TFDP2: variants seen among roughly 807,000 people sequenced by gnomAD.
TFDP2 encodes transcription factor Dp-2.
Under a neutral mutation model 59.3 loss-of-function variants are expected in TFDP2, and 17 were observed. The observed-to-expected ratio is 0.29, with a 90% CI of 0.20 to 0.43. The LOEUF (loss-of-function observed/expected upper bound fraction) is 0.43, where lower values mean the gene tolerates loss of function less well. TFDP2 is among the 20% of genes least tolerant of loss of function. TFDP2 has a pLI of 1.00. For synonymous variants in TFDP2, 180 were observed against 194.7 expected, an observed-to-expected ratio of 0.92 and a Z score of 0.63; for missense variants, 391 against 528.8, an observed-to-expected ratio of 0.74 and a Z score of 2.56.
chr3:142,147,335 T>C (rs2063215187), intron 1 of TFDP2, among the ~76,000 whole-genome samples: 1 of 152,230 alleles, frequency 6.6e-6, no homozygotes, highest in Non-Finnish European at 1.5e-5. Flanking sequence ...TCTCAATCTA[T>C]GCCTTCTAGT....
chr3:141,961,283 G>A (rs185667603), intron 10 of TFDP2, among the ~76,000 whole-genome samples: 59 of 123,768 alleles, frequency 4.8e-4, no homozygotes, highest in East Asian at 7.2e-4. Context: ...TTGCTCTGTC[G>A]CCCAGGCTGG....
At chr3:141,953,530 T>G (rs958737226) in intron 11 of TFDP2, among the ~76,000 whole-genome samples, 1 of 152,200 alleles carries the variant, frequency 6.6e-6, no homozygotes, top group Non-Finnish European at 1.5e-5. Context: ...TGCCTGCTGC[T>G]GGTGAACTCA....
intron 1 of TFDP2, among the ~76,000 whole-genome samples, chr3:142,113,061 A>C (rs995038840): frequency 6.6e-6 from 1 of 152,182 alleles, no homozygotes; most frequent in African/African-American, 2.4e-5. Flanking sequence ...ACATTCTTTT[A>C]TCAAGCAGTA....
chr3:141,973,093 G>GTATATATATATATATATATATATA (rs1553761666), intron 8 of TFDP2, among the ~76,000 whole-genome samples: 5 of 103,156 alleles, frequency 4.8e-5, no homozygotes, highest in African/African-American at 7.2e-5. Flanking sequence ...AAAGCTATGT[G>GTATATATATATATATATATATATA]TATATATATA....
intron 9 of TFDP2, 34 bp downstream of exon 9, chr3:141,970,039 A>C (rs553096639): frequency 1.3e-6 from 2 of 1,592,768 alleles, no homozygotes; most frequent in Non-Finnish European, 1.7e-6. Flanking sequence ...GTGGAGAAAC[A>C]GGGAAGGTAA....
rs974555255 is a variant in TFDP2 at position 141,951,580 on chromosome 3, C to T, written c.*933G>A. 2 of 152,646 alleles carry T rather than the reference C, an allele frequency of 1.3e-5. No individual in the cohort carries two copies. The highest frequency in any genetic ancestry group is 1.3e-4 in the Admixed American group (2 of 15,282). The allele number at this position is 152,646 out of a possible 1,614,324, so 9.5% of individuals were successfully genotyped here. On this transcript the variant is annotated 3_prime_UTR_variant, in exon 13 of 13. Coordinates refer to ENST00000489671, the MANE Select transcript of TFDP2 (RefSeq NM_001178139.2). Reference sequence around the variant, plus strand: ...ATTTGGTTCATTTTCACAAATTGCACACTGGGTGAGATCATACAATTACTG... The same window carrying T: ...ATTTGGTTCATTTTCACAAATTGCATACTGGGTGAGATCATACAATTACTG...
At chr3:142,037,462 T>C (rs1354761812) in intron 3 of TFDP2, among the ~76,000 whole-genome samples, 4 of 152,190 alleles carry the variant, frequency 2.6e-5, no homozygotes, top group Admixed American at 6.5e-5. Flanking sequence ...CTGAGTATTA[T>C]TTAAGCTGCA....
chr3:142,010,503 G>A (rs189906821), intron 3 of TFDP2, among the ~76,000 whole-genome samples: 1 of 151,840 alleles, frequency 6.6e-6, no homozygotes, highest in Non-Finnish European at 1.5e-5. Flanking sequence ...CAGCTACTTG[G>A]GGGGCTGAGG....
At chr3:142,106,014 T>C (rs2061459836) in intron 1 of TFDP2, among the ~76,000 whole-genome samples, 1 of 152,122 alleles carries the variant, frequency 6.6e-6, no homozygotes, top group Admixed American at 6.5e-5. Flanking sequence ...TAAGGCTTCC[T>C]TCTCTAAAAT....
intron 4 of TFDP2, among the ~76,000 whole-genome samples, chr3:142,003,167 A>T (rs1173249869): frequency 6.6e-6 from 1 of 151,884 alleles, no homozygotes; most frequent in East Asian, 1.9e-4. Flanking sequence ...TGCTTGGCTA[A>T]TTTTTTGTAT....
At chr3:142,041,689 C>T (rs1235643143) in intron 3 of TFDP2, among the ~76,000 whole-genome samples, 2 of 152,208 alleles carry the variant, frequency 1.3e-5, no homozygotes, top group Non-Finnish European at 2.9e-5. Context: ...CAAACACCAA[C>T]ATCAGTTTTC....
At chr3:142,043,729 G>C (rs932727259) in intron 3 of TFDP2, 4 of 1,325,394 alleles carry the variant, frequency 3.0e-6, no homozygotes, top group South Asian at 2.3e-5. Context: ...CTTAGACCTG[G>C]GGGCCTCAGC....
intron 10 of TFDP2, among the ~76,000 whole-genome samples, chr3:141,961,410 A>C (rs567735278): frequency 6.6e-6 from 1 of 151,390 alleles, no homozygotes; most frequent in African/African-American, 2.4e-5. Context: ...TGCCTGGCTA[A>C]TTTTTGTATT....
chr3:142,108,120 T>C lies in TFDP2; in HGVS notation c.-92-6279A>G, dbSNP rs556674136. ...CAATGAGCTTTCTTGAAGAGTGATA[T>C]GTAACATTTCTCCTTTTTATAAAAC... On this transcript the variant is annotated intron_variant, in intron 1 of 12. Transcript: ENST00000489671. Among the ~76,000 whole-genome samples, 20 of 152,132 alleles carry C rather than the reference T, an allele frequency of 1.3e-4. No homozygotes were observed. The South Asian group carries it at 1.5e-3, about 11-fold the overall frequency.
At chr3:142,115,088 C>T (rs958772369) in intron 1 of TFDP2, among the ~76,000 whole-genome samples, 3 of 152,064 alleles carry the variant, frequency 2.0e-5, no homozygotes, top group African/African-American at 7.2e-5. Context: ...ACAATTCTAA[C>T]TAGCAGATGA....
chr3:142,024,239 C>T (rs752596297), intron 3 of TFDP2, among the ~76,000 whole-genome samples: 21 of 152,150 alleles, frequency 1.4e-4, no homozygotes, highest in Non-Finnish European at 2.6e-4. Flanking sequence ...GAGCAAAGTG[C>T]CAAAACCAAA....
intron 9 of TFDP2, among the ~76,000 whole-genome samples, chr3:141,969,248 ACATATATATATCT>A (rs1939308390): frequency 9.0e-6 from 1 of 110,844 alleles, no homozygotes; most frequent in Non-Finnish European, 1.7e-5. Context: ...TATATATATA[ACATATATATATCT>A]CATATATATG....
chr3:141,972,219 C>G (rs1939873621), intron 8 of TFDP2, among the ~76,000 whole-genome samples: 1 of 152,088 alleles, frequency 6.6e-6, no homozygotes, highest in African/African-American at 2.4e-5. Context: ...ACAAGCCAGG[C>G]CCCTTACCTG....
chr3:141,964,033 A>G, intron 9 of TFDP2, 70 bp from the exon 10 acceptor site: 1 of 1,380,670 alleles, frequency 7.2e-7, no homozygotes, highest in South Asian at 1.4e-5. Flanking sequence ...GAATTAAGAT[A>G]ATACCTTTAA....
Sources: allele counts gnomAD v4.1 joint callset (sites outside exome capture counted in the v4.1 genomes callset), GRCh38; gene constraint gnomAD v4.1.1; transcripts MANE v1.5; gene names NCBI Gene and HGNC (gene_info 2026-07-23, HGNC 2026-07-21).